Variants in GNB3 observed in about 807,000 individuals in gnomAD.
GNB3 encodes G protein subunit beta 3.
In GNB3, 33 loss-of-function variants were observed where a neutral mutation model predicts 41.2. That is an observed-to-expected ratio of 0.80 (90% CI 0.61 to 1.07). GNB3 has a LOEUF of 1.07. GNB3 is among the 50% of genes least tolerant of loss of function. The pLI, the probability that GNB3 is intolerant of heterozygous loss-of-function variation, is 0.00. For missense variants in GNB3, 409 were observed against 455.3 expected, an observed-to-expected ratio of 0.90 and a Z score of 0.92; for synonymous variants, 172 against 173.4, an observed-to-expected ratio of 0.99 and a Z score of 0.06.
In GNB3 at chr12:6,843,437, T is replaced by TG; in HGVS notation, c.348dup (p.Leu117AlafsTer14). On this transcript the variant is annotated frameshift_variant, in exon 6 of 10. Coordinates refer to ENST00000229264, the MANE Select transcript of GNB3 (RefSeq NM_002075.4). LOFTEE classifies it high-confidence loss of function. This position sits in a 1 kb window ranked among gnomAD's most constrained non-coding sequence, Gnocchi z 5.9. ...CCCCATCAGGGAACTTTGTGGCATG[T>TG]GGGGGGCTGGACAACATGTGTTCCA... The TG allele has an allele frequency of 1.2e-6, 2 of 1,614,032 alleles. No homozygotes were observed. Among genetic ancestry groups the TG allele is most frequent in the African/African-American group, 1.3e-5 (1 of 75,024 alleles).
intron 9 of GNB3, 157 bp from the exon 10 acceptor site, chr12:6,846,635 A>G: frequency 3.3e-6 from 2 of 603,954 alleles, no homozygotes; most frequent in Non-Finnish European, 6.0e-6. Context: ...ACACACACGT[A>G]CACACACCCA....
At chr12:6,842,710 G>A (rs146111152) in intron 3 of GNB3, among the ~76,000 whole-genome samples, 7 of 152,334 alleles carry the variant, frequency 4.6e-5, no homozygotes, top group East Asian at 1.9e-4. Flanking sequence ...TATTCGTATC[G>A]TGGAAATCAC....
rs1943689234 is a variant in GNB3, at chr12:6,845,985, G to T, written c.916+183G>T. On this transcript the variant is annotated intron_variant, in intron 9 of 9. Transcript: ENST00000229264. ...TCCCAACTAGGACTGTTTTCCCTCA[G>T]TGTTGCTCTAAGCAGCCTCTCTCCA... The T allele has an allele frequency of 8.3e-6, 5 of 599,360 alleles. No homozygotes were observed. The Admixed American group carries it at 1.4e-4, about 17-fold the overall frequency. The allele number at this position is 599,360 out of a possible 1,614,324, so 37.1% of individuals were successfully genotyped here.
At chr12:6,845,421 G>T (rs539066724) in intron 8 of GNB3, 165 bp from the exon 9 acceptor site, 11 of 612,580 alleles carry the variant, frequency 1.8e-5, no homozygotes, top group Middle Eastern at 4.4e-4. Context: ...CTGGCACGTG[G>T]TATGTGTTGG....
rs34871066 is a variant in GNB3 at position 6,844,093 on chromosome 12, A to AT, written c.699+141dup. 0.02 allele frequency: 5,125 copies of AT among 257,466 alleles called. 38 individuals carry two copies. Among genetic ancestry groups the AT allele is most frequent in the South Asian group, 0.033 (554 of 16,592 alleles). 15.9% of individuals were successfully genotyped at this position (257,466 alleles called of 1,614,324 possible). ...AGCTTCCCTAGCCCTTTCTTACTGTATTTTTTTTTTTTTTTTTTTTTTTTT... is the reference window on the plus strand; with the variant it reads ...AGCTTCCCTAGCCCTTTCTTACTGTATTTTTTTTTTTTTTTTTTTTTTTTTT... On this transcript the variant is annotated intron_variant, in intron 8 of 9. Coordinates refer to ENST00000229264, the MANE Select transcript of GNB3 (RefSeq NM_002075.4).
chr12:6,842,239 G>A lies in GNB3; in HGVS notation c.96+615G>A, dbSNP rs781880744. Among the ~76,000 whole-genome samples, 5 of 152,280 alleles carry A rather than the reference G, an allele frequency of 3.3e-5. No homozygotes were observed. The South Asian group carries it at 1.0e-3, about 32-fold the overall frequency. On this transcript the variant is annotated intron_variant, in intron 3 of 9. Coordinates refer to ENST00000229264, the MANE Select transcript of GNB3 (RefSeq NM_002075.4). ...CTTGAGTAAACAGACTCAGGGAGGT[G>A]AAGCAACTTGCCCAAGATAACAAAG...
At chr12:6,844,241 A>G (rs1943639751) in intron 8 of GNB3, among the ~76,000 whole-genome samples, 1 of 151,384 alleles carries the variant, frequency 6.6e-6, no homozygotes, top group Admixed American at 6.6e-5. Flanking sequence ...AGCTGGGATT[A>G]CAGGTGTGCG....
Position 6,843,250 on chromosome 12 carries a change from CCT to C in GNB3, c.267+15_267+16del. ...CACCACCAACAAGGTACCAGCCCTG[CCT>C]CCCTGAGCCTCCACCACTGCATCCT... On this transcript the variant is annotated intron_variant, in intron 5 of 9. Coordinates refer to ENST00000229264, the MANE Select transcript of GNB3 (RefSeq NM_002075.4). This position sits in a 1 kb window ranked among gnomAD's most constrained non-coding sequence, Gnocchi z 5.9. 1 of 1,612,298 alleles carries C rather than the reference CCT, an allele frequency of 6.2e-7. No individual in the cohort carries two copies.
intron 3 of GNB3, among the ~76,000 whole-genome samples, chr12:6,842,291 G>A (rs1406489851): frequency 2.6e-5 from 4 of 152,290 alleles, no homozygotes; most frequent in South Asian, 4.2e-4. Context: ...GTTCACGCCT[G>A]TAATCCCAGC....
chr12:6,844,165 A>C (rs1292582475), intron 8 of GNB3, among the ~76,000 whole-genome samples, 187 bp downstream of exon 8: 10 of 130,614 alleles, frequency 7.7e-5, no homozygotes, highest in Middle Eastern at 5.2e-3. Flanking sequence ...GCAGTGGTGC[A>C]ATCTTGGCTC....
rs941040058 is a variant in GNB3 at position 6,840,980 on chromosome 12, G to C, written c.-84G>C. 2 of 475,586 alleles carry C rather than the reference G, an allele frequency of 4.2e-6. No homozygotes were observed. The highest frequency in any genetic ancestry group is 3.9e-5 in the Admixed American group (1 of 25,858). 29.5% of individuals were successfully genotyped at this position (475,586 alleles called of 1,614,324 possible). On this transcript the variant is annotated 5_prime_UTR_variant, in exon 1 of 10. Transcript: ENST00000229264. ...CGGGCGTCGCAGCTGAGGGAGTAAG[G>C]AGGCTCCCAGGAACCGGAGCTGGAA...
Position 6,843,422 on chromosome 12 carries a change from G to A in GNB3, c.327G>A (p.Gly109=), listed in dbSNP as rs1555123828. ...TGACCTGTGCCTATGCCCCATCAGG[G>A]AACTTTGTGGCATGTGGGGGGCTGG... is the stretch of plus-strand genomic sequence containing the variant. ...WVMTCAYAPS[G]NFVACGGLDN... The change falls in exon 6 of 10, where the codon GGG becomes GGA. Residue 109 remains glycine, a synonymous_variant. Transcript: ENST00000229264. This position sits in a 1 kb window ranked among gnomAD's most constrained non-coding sequence, Gnocchi z 5.9. 1 of 1,614,080 alleles carries A rather than the reference G, an allele frequency of 6.2e-7. No individual in the cohort carries two copies. Among genetic ancestry groups the A allele is most frequent in the Non-Finnish European group, 8.5e-7 (1 of 1,179,930 alleles).
rs1009901914 is a variant in GNB3 at position 6,847,145 on chromosome 12, G to A, written c.*247G>A. 21 of 472,708 alleles carry A rather than the reference G, an allele frequency of 4.4e-5. No homozygotes were observed. The highest frequency in any genetic ancestry group is 3.7e-4 in the African/African-American group (19 of 51,570). The allele number at this position is 472,708 out of a possible 1,614,324, so 29.3% of individuals were successfully genotyped here. A position where few individuals can be genotyped will look rare whatever the true frequency, so the allele number is the denominator to read the frequency against. On this transcript the variant is annotated 3_prime_UTR_variant, in exon 10 of 10. Transcript: ENST00000229264. Reference sequence around the variant, plus strand: ...CAGTCCTCACAGCCTCTCCCTTAATGAGCAAGGACAACCTGCCCCTCCCCA... The same window carrying A: ...CAGTCCTCACAGCCTCTCCCTTAATAAGCAAGGACAACCTGCCCCTCCCCA...
At chr12:6,844,504 C>T (rs1198286512) in intron 8 of GNB3, among the ~76,000 whole-genome samples, 3 of 152,168 alleles carry the variant, frequency 2.0e-5, no homozygotes, top group Non-Finnish European at 4.4e-5. Context: ...ACCGCAGTCT[C>T]AACCTCCAGG....
Position 6,845,794 on chromosome 12 carries a change from A to T in GNB3, c.908A>T (p.Glu303Val). 1 of 1,612,406 alleles carries T rather than the reference A, an allele frequency of 6.2e-7. No homozygotes were observed. Among genetic ancestry groups the T allele is most frequent in the South Asian group, 1.1e-5 (1 of 91,046 alleles). ...NCNVWDSMKS[E>V]RVGILSGHDN... ...AATGTCTGGGACTCCATGAAGTCTGAGCGTGTGGGTAAGGGCCAGCCCTGG... is the reference window on the plus strand; with the variant it reads ...AATGTCTGGGACTCCATGAAGTCTGTGCGTGTGGGTAAGGGCCAGCCCTGG... The change falls in exon 9 of 10, where the codon GAG becomes GTG. Residue 303 changes from glutamate to valine, a missense_variant. By Grantham distance (121) the Glu-to-Val change is moderately radical (BLOSUM62 -2). Transcript: ENST00000229264.
rs1291975852 is a variant in GNB3, at chr12:6,845,747, T to C, written c.861T>C (p.Ala287=). Residue 287 remains alanine, a synonymous_variant, in exon 9 of 10, where the codon GCT becomes GCC. Transcript: ENST00000229264. ...CCCTCAGTGGCCGCCTACTATTCGC[T>C]GGCTACGACGACTTCAACTGCAATG... ...AFSLSGRLLF[A]GYDDFNCNVW... The C allele has an allele frequency of 5.6e-6, 9 of 1,614,016 alleles. No homozygotes were observed. Among genetic ancestry groups the C allele is most frequent in the Non-Finnish European group, 7.6e-6 (9 of 1,179,978 alleles).
chr12:6,843,144 C>G lies in GNB3; in HGVS notation c.204-30C>G, dbSNP rs199802045. 9.3e-6 allele frequency: 15 copies of G among 1,609,368 alleles called. No individual in the cohort carries two copies. Among genetic ancestry groups the G allele is most frequent in the African/African-American group, 1.3e-5 (1 of 74,738 alleles). ...GAGTGAGGAAGGCGGGAAGGGGAGGCTTGCATGATATGGGATGCCCTCTCC... is the reference window on the plus strand; with the variant it reads ...GAGTGAGGAAGGCGGGAAGGGGAGGGTTGCATGATATGGGATGCCCTCTCC... On this transcript the variant is annotated intron_variant, in intron 4 of 9. Transcript: ENST00000229264. The surrounding 1 kb of genome is among the most constrained non-coding windows in gnomAD (Gnocchi z 5.9).
Position 6,847,293 on chromosome 12 carries a change from G to A in GNB3, c.*395G>A, listed in dbSNP as rs1565522018. 1 of 233,172 alleles carries A rather than the reference G, an allele frequency of 4.3e-6. No individual in the cohort carries two copies. The highest frequency in any genetic ancestry group is 8.8e-5 in the East Asian group (1 of 11,374). 14.4% of individuals were successfully genotyped at this position (233,172 alleles called of 1,614,324 possible). A position where few individuals can be genotyped will look rare whatever the true frequency, so the allele number is the denominator to read the frequency against. ...CGTTTGGCCCTGTGACTATGGCTCT[G>A]GCACCACTAGGGTCCTGGCCCTCTT... On this transcript the variant is annotated 3_prime_UTR_variant, in exon 10 of 10. Transcript: ENST00000229264.
chr12:6,843,887 C>T lies in GNB3; in HGVS notation c.608C>T (p.Ala203Val), dbSNP rs370861380. The T allele has an allele frequency of 1.2e-6, 2 of 1,614,038 alleles. No homozygotes were observed. The highest frequency in any genetic ancestry group is 1.7e-6 in the Non-Finnish European group (2 of 1,179,950). Residue 203 changes from alanine to valine, a missense_variant, in exon 8 of 10, where the codon GCC (alanine) becomes GTC (valine). By Grantham distance (64) the Ala-to-Val change is moderately conservative (BLOSUM62 0). Transcript: ENST00000229264. The surrounding 1 kb of genome is among the most constrained non-coding windows in gnomAD (Gnocchi z 5.9). ...SPDFNLFISG[A>V]CDASAKLWDV... ...GACTTCAATCTCTTCATTTCGGGGG[C>T]CTGTGATGCCAGTGCCAAGCTCTGG...
Sources: gnomAD v4.1 joint callset for allele counts (sites outside exome capture counted in the v4.1 genomes callset) on GRCh38, gnomAD v4.1.1 for gene constraint, Gnocchi (gnomAD v3.1) non-coding constraint, MANE v1.5 for transcripts, NCBI Gene and HGNC (gene_info 2026-07-23, HGNC 2026-07-21) for gene names.